ANK3: variants seen among roughly 807,000 people sequenced by gnomAD.
The protein encoded by ANK3 is ankyrin 3, also known as ankyrin-3.
In ANK3, 57 loss-of-function variants were observed where a neutral mutation model predicts 370.9. The ratio of observed to expected loss-of-function variants is 0.15; its 90% CI spans 0.12 to 0.19. The LOEUF (loss-of-function observed/expected upper bound fraction) is 0.19, where lower values mean the gene tolerates loss of function less well. ANK3 is among the 10% of genes least tolerant of loss of function. The probability of loss-of-function intolerance (pLI) is 1.00; values close to 1 mark genes in which losing one functional copy is unlikely to be tolerated. For missense variants in ANK3, 4,439 were observed against 5,302.1 expected, an observed-to-expected ratio of 0.84 and a Z score of 5.06; for synonymous variants, 1,929 against 1,946.3, an observed-to-expected ratio of 0.99 and a Z score of 0.23.
At chr10:60,551,970 C>T (rs1487112234) in intron 2 of ANK3, among the ~76,000 whole-genome samples, 1 of 152,162 alleles carries the variant, frequency 6.6e-6, no homozygotes, top group African/African-American at 2.4e-5. Flanking sequence ...TCTCCAGGAA[C>T]TTCTTCCAAC....
intron 2 of ANK3, among the ~76,000 whole-genome samples, chr10:60,504,935 T>C (rs2075895220): frequency 6.6e-6 from 1 of 152,158 alleles, no homozygotes; most frequent in Non-Finnish European, 1.5e-5. Flanking sequence ...GAAACTTGAA[T>C]GTAAACTAGG....
chr10:60,424,762 C>T, intron 2 of ANK3, among the ~76,000 whole-genome samples: 1 of 152,000 alleles, frequency 6.6e-6, no homozygotes, highest in East Asian at 1.9e-4. Flanking sequence ...ATGATAATAT[C>T]CCTCTTATAG....
At chr10:60,433,582 C>T (rs560225525) in intron 2 of ANK3, among the ~76,000 whole-genome samples, 385 of 151,588 alleles carry the variant, frequency 2.5e-3, no homozygotes, top group Admixed American at 4.3e-3. Flanking sequence ...GCAGCCAGGG[C>T]GACAGAGTGA....
At chr10:60,137,361 A>C (rs2132200127) in intron 24 of ANK3, 1 of 332,794 alleles carries the variant, frequency 3.0e-6, no homozygotes, top group Admixed American at 4.2e-5. Flanking sequence ...GGACTATTTT[A>C]AAGTAATTTT....
At chr10:60,635,068 A>C (rs2078535577) in intron 1 of ANK3, among the ~76,000 whole-genome samples, 1 of 152,218 alleles carries the variant, frequency 6.6e-6, no homozygotes, top group Non-Finnish European at 1.5e-5. Context: ...GATTTACTGA[A>C]TATTAAACAA....
At chr10:60,129,417 C>A (rs1398914521) in intron 25 of ANK3, among the ~76,000 whole-genome samples, 1 of 152,118 alleles carries the variant, frequency 6.6e-6, no homozygotes, top group Non-Finnish European at 1.5e-5. Context: ...AGTCTCTACA[C>A]AGGCCAAAGA....
chr10:60,456,571 CAATTGGAATTTTGATGATGTCTTCT>C (rs1470846732), intron 2 of ANK3, among the ~76,000 whole-genome samples: 10 of 152,218 alleles, frequency 6.6e-5, no homozygotes, highest in African/African-American at 2.4e-4. Flanking sequence ...CTGCAACTGC[CAATTGGAATTTTGATGATGTCTTCT>C]AACTGTATCC....
intron 18 of ANK3, among the ~76,000 whole-genome samples, chr10:60,179,240 T>C (rs926905883): frequency 1.3e-5 from 2 of 152,166 alleles, no homozygotes; most frequent in Non-Finnish European, 2.9e-5. Context: ...GGGACAATCA[T>C]GGCTTCACTT....
At chr10:60,331,770 T>C (rs1462471422) in intron 1 of ANK3, among the ~76,000 whole-genome samples, 1 of 152,082 alleles carries the variant, frequency 6.6e-6, no homozygotes, top group Non-Finnish European at 1.5e-5. Flanking sequence ...CTCCAGGAGA[T>C]TTAAAAAATA....
chr10:60,172,816 G>T, intron 20 of ANK3, 84 bp downstream of exon 20: 1 of 819,980 alleles, frequency 1.2e-6, no homozygotes, highest in African/African-American at 1.7e-5. Context: ...CTTCATGAAA[G>T]TACAATGAAA....
In ANK3 at chr10:60,069,160, T is replaced by C. The variant is rs1211106434; in HGVS notation, c.11721A>G (p.Val3907=). ...TCACTGGAATTCTGGACTTTACATC[T>C]ACACATGAAGAAGTAGTAAGGGCTT... ...KTKALTTSSC[V]DVKSRIPVKN... Residue 3907 remains valine (V), a synonymous_variant, in exon 37 of 44, where the codon GTA becomes GTG. Coordinates refer to ENST00000280772, the MANE Select transcript of ANK3 (RefSeq NM_020987.5). 3 of 1,614,228 alleles carry C rather than the reference T, an allele frequency of 1.9e-6. No individual in the cohort carries two copies. The highest frequency in any genetic ancestry group is 4.5e-5 in the East Asian group (2 of 44,888).
At position 60,134,316 on chromosome 10, in the gene ANK3, C is replaced by G; in HGVS notation, c.2796G>C (p.Arg932=). The change falls in exon 25 of 44, where the codon CGG becomes CGC. Residue 932 remains arginine (R), a synonymous_variant. Transcript: ENST00000280772. ...GGAGTTCTTCAATCATCATGCTGTC[C>G]CGTGCATAGGAGCTTCTGTTCAAGG... ...SYTLNRSSYA[R]DSMMIEELLV... is the part of the protein sequence containing the mutation. 6.2e-7 allele frequency: 1 copy of G among 1,613,848 alleles called. No individual in the cohort carries two copies. The highest frequency in any genetic ancestry group is 8.5e-7 in the Non-Finnish European group (1 of 1,179,918).
intron 28 of ANK3, among the ~76,000 whole-genome samples, chr10:60,105,320 A>G (rs2092016316): frequency 6.6e-6 from 1 of 152,196 alleles, no homozygotes; most frequent in Non-Finnish European, 1.5e-5. Context: ...AGGGTCAGAC[A>G]GCCTGAAGAA....
intron 42 of ANK3, among the ~76,000 whole-genome samples, chr10:60,050,369 T>C (rs1000391004): frequency 2.0e-5 from 3 of 152,178 alleles, no homozygotes; most frequent in African/African-American, 7.2e-5. Flanking sequence ...TCCAGAGTCT[T>C]AGAAAAACTG....
chr10:60,347,392 C>G (rs1345897691), intron 1 of ANK3, among the ~76,000 whole-genome samples: 1 of 151,658 alleles, frequency 6.6e-6, no homozygotes, highest in Non-Finnish European at 1.5e-5. Context: ...GTGTATCTGT[C>G]TTTCTGCTTG....
At chr10:60,667,094 C>G (rs2079005981) in intron 1 of ANK3, among the ~76,000 whole-genome samples, 1 of 151,312 alleles carries the variant, frequency 6.6e-6, no homozygotes, top group Non-Finnish European at 1.5e-5. Flanking sequence ...ATTATGCATT[C>G]TGTATTTTTA....
At chr10:60,049,078 C>T (rs1028988825) in intron 42 of ANK3, among the ~76,000 whole-genome samples, 1 of 152,156 alleles carries the variant, frequency 6.6e-6, no homozygotes, top group African/African-American at 2.4e-5. Flanking sequence ...CCCCAAAAAT[C>T]TGAACAGAAA....
At chr10:60,374,200 A>C (rs1041641548) in intron 1 of ANK3, among the ~76,000 whole-genome samples, 2 of 151,964 alleles carry the variant, frequency 1.3e-5, no homozygotes, top group Non-Finnish European at 2.9e-5. Context: ...TCGAGATAAA[A>C]CAGACAAGGA....
intron 2 of ANK3, among the ~76,000 whole-genome samples, chr10:60,452,808 G>A (rs1254825701): frequency 6.6e-6 from 1 of 152,142 alleles, no homozygotes; most frequent in African/African-American, 2.4e-5. Context: ...GTTGTGCTGG[G>A]AAGGCTTGTT....
Sources: allele counts gnomAD v4.1 joint callset (sites outside exome capture counted in the v4.1 genomes callset), GRCh38; gene constraint gnomAD v4.1.1; transcripts MANE v1.5; gene names NCBI Gene and HGNC (gene_info 2026-07-23, HGNC 2026-07-21).